The following DNAH11 variants were observed in gnomAD, a reference collection of about 807,000 sequenced individuals.
The protein encoded by DNAH11 is axonemal beta dynein heavy chain 11.
DNAH11 carries 442 observed loss-of-function variants against 526.0 expected under a neutral mutation model. The ratio of observed to expected loss-of-function variants is 0.84; its 90% CI spans 0.78 to 0.91. The LOEUF is 0.91. Ranked by LOEUF, DNAH11 falls within the 40% of genes least tolerant of loss-of-function variation. DNAH11 has a pLI of 0.00. For synonymous variants in DNAH11, 2,461 were observed against 1,935.9 expected, an observed-to-expected ratio of 1.27 and a Z score of -7.12; for missense variants, 6,989 against 5,448.7, an observed-to-expected ratio of 1.28 and a Z score of -8.90.
chr7:21,564,101 G>A (rs1476786637), intron 5 of DNAH11, 85 bp from the exon 6 acceptor site: 4 of 951,416 alleles, frequency 4.2e-6, no homozygotes, highest in Admixed American at 2.7e-5. Flanking sequence ...GTTGTTTTAC[G>A]TGGCTCTCTT....
At chr7:21,621,650 A>T (rs987235748) in intron 25 of DNAH11, among the ~76,000 whole-genome samples, 1 of 151,906 alleles carries the variant, frequency 6.6e-6, no homozygotes, top group Non-Finnish European at 1.5e-5. Flanking sequence ...CATCCCTGGG[A>T]TGCAAGGCTG....
At chr7:21,823,345 G>A (rs7781044) in intron 65 of DNAH11, among the ~76,000 whole-genome samples, 54,122 of 151,698 alleles carry the variant, frequency 0.36, 10,387 homozygotes, top group East Asian at 0.63. Flanking sequence ...TTTCATACCT[G>A]CAGTTTCCTA....
At chr7:21,554,095 T>G (rs1783127393) in intron 2 of DNAH11, among the ~76,000 whole-genome samples, 1 of 152,042 alleles carries the variant, frequency 6.6e-6, no homozygotes, top group African/African-American at 2.4e-5. Flanking sequence ...AGACCTTTTG[T>G]GTCCCAGTAG....
intron 61 of DNAH11, among the ~76,000 whole-genome samples, chr7:21,789,914 C>CCCTT (rs988249492): frequency 7.7e-6 from 1 of 129,170 alleles, no homozygotes; most frequent in Admixed American, 8.2e-5. Flanking sequence ...CTCCCTCCCT[C>CCCTT]CCTTCCTTCC....
At position 21,543,478 on chromosome 7, in the gene DNAH11, G is replaced by A. The variant is rs759339238; in HGVS notation, c.233G>A (p.Ser78Asn). Reference sequence around the variant, plus strand: ...CTGGGGTTCACGGAGGAGAAATGGAGCCAGTATTTGGAAAGCGAGGACAAC... The same window carrying A: ...CTGGGGTTCACGGAGGAGAAATGGAACCAGTATTTGGAAAGCGAGGACAAC... ...MMLGFTEEKW[S>N]QYLESEDNRQ... Residue 78 changes from serine to asparagine, a missense_variant, in exon 1 of 82, where the codon AGC becomes AAC. By Grantham distance (46) the Ser-to-Asn change is conservative. Transcript: ENST00000409508. 6.3e-7 allele frequency: 1 copy of A among 1,596,472 alleles called. No homozygotes were observed. The highest frequency in any genetic ancestry group is 8.5e-7 in the Non-Finnish European group (1 of 1,171,162).
At chr7:21,863,079 AGAAAAAG>A (rs1173651505) in intron 69 of DNAH11, among the ~76,000 whole-genome samples, 10 of 29,120 alleles carry the variant, frequency 3.4e-4, no homozygotes, top group Non-Finnish European at 5.4e-4. Flanking sequence ...AAAAAAAAAA[AGAAAAAG>A]AAAAGAAAAA....
chr7:21,592,064 A>AC (rs1291542638), intron 14 of DNAH11, among the ~76,000 whole-genome samples: 88 of 152,152 alleles, frequency 5.8e-4, no homozygotes, highest in Non-Finnish European at 6.9e-4. Context: ...AACAGAAAAA[A>AC]AACACACACA....
chr7:21,897,806 G>A (rs1396543868), intron 79 of DNAH11, among the ~76,000 whole-genome samples: 1 of 151,970 alleles, frequency 6.6e-6, no homozygotes, highest in South Asian at 2.1e-4. Context: ...TAGTAGGGAT[G>A]GGGTTTCACC....
In DNAH11 at chr7:21,704,448, A is replaced by C. The variant is rs905167931; in HGVS notation, c.6288A>C (p.Ala2096=). 2 of 1,613,310 alleles carry C rather than the reference A, an allele frequency of 1.2e-6. No individual in the cohort carries two copies. The highest frequency in any genetic ancestry group is 1.7e-6 in the Non-Finnish European group (2 of 1,179,592). ...NRPEDQVLMR[A]LRDFNMPKIV... ...TTTTTTTCTAGGTACTCATGAGAGC[A>C]TTAAGGGATTTCAATATGCCCAAAA... Residue 2096 remains alanine (A), a synonymous_variant, in exon 38 of 82, where the codon GCA becomes GCC. Coordinates refer to ENST00000409508, the MANE Select transcript of DNAH11 (RefSeq NM_001277115.2).
intron 66 of DNAH11, among the ~76,000 whole-genome samples, chr7:21,851,964 C>T (rs545151720): frequency 6.6e-6 from 1 of 152,246 alleles, no homozygotes; most frequent in East Asian, 1.9e-4. Flanking sequence ...TTATACTCTG[C>T]ACCCTGGAGT....
chr7:21,583,944 A>G lies in DNAH11; in HGVS notation c.1710+1923A>G, dbSNP rs371397768. On this transcript the variant is annotated intron_variant, in intron 9 of 81. Transcript: ENST00000409508. The stretch of plus-strand genomic sequence containing the variant: ...CAGGAAACAACAGATGCTAGAGGGA[A>G]TGTGGAGAAATAGGAATGCTTTTAC... Among the ~76,000 whole-genome samples the G allele has an allele frequency of 2.0e-5, 3 of 152,250 alleles. No homozygotes were observed. The East Asian group carries it at 5.8e-4, about 29-fold the overall frequency.
chr7:21,838,661 G>C lies in DNAH11; in HGVS notation c.10692-3883G>C, dbSNP rs146985110. ...CCATTCTATGGCCAAATATTAGGTC[G>C]GTGCAAAAGTAATTGTGGGTTTTTC... On this transcript the variant is annotated intron_variant, in intron 65 of 81. Transcript: ENST00000409508. Among the ~76,000 whole-genome samples, 52 of 152,032 alleles carry C rather than the reference G, an allele frequency of 3.4e-4. 2 individuals carry two copies. The South Asian group carries it at 5.2e-3, about 15-fold the overall frequency.
intron 75 of DNAH11, among the ~76,000 whole-genome samples, chr7:21,883,888 A>T (rs1161317122): frequency 6.6e-6 from 1 of 152,116 alleles, no homozygotes; most frequent in Admixed American, 6.6e-5. Flanking sequence ...CAAAATTTTT[A>T]AAAAATTAGC....
chr7:21,790,270 C>T (rs1788421580), intron 61 of DNAH11, among the ~76,000 whole-genome samples: 4 of 152,100 alleles, frequency 2.6e-5, no homozygotes, highest in South Asian at 4.2e-4. Context: ...CACGGTGAAA[C>T]CCCGTCACTA....
chr7:21,845,298 T>C (rs896001720), intron 66 of DNAH11, among the ~76,000 whole-genome samples: 7 of 152,164 alleles, frequency 4.6e-5, no homozygotes, highest in African/African-American at 1.7e-4. Context: ...TAACTGACAG[T>C]TCGTGAAGAT....
chr7:21,733,899 G>C (rs1431603007), intron 45 of DNAH11, among the ~76,000 whole-genome samples: 1 of 152,130 alleles, frequency 6.6e-6, no homozygotes, highest in Non-Finnish European at 1.5e-5. Context: ...CAGCTATATG[G>C]GTAGTAAGTA....
chr7:21,836,176 C>T (rs1462875591), intron 65 of DNAH11, among the ~76,000 whole-genome samples: 4 of 152,060 alleles, frequency 2.6e-5, no homozygotes, highest in East Asian at 3.9e-4. Context: ...CCATACTACC[C>T]AAAGTGATCT....
chr7:21,609,332 C>T (rs1418512192), intron 20 of DNAH11, among the ~76,000 whole-genome samples: 2 of 152,166 alleles, frequency 1.3e-5, no homozygotes, highest in Non-Finnish European at 2.9e-5. Flanking sequence ...TCTCCTGCCT[C>T]AACGTCCTGA....
intron 54 of DNAH11, among the ~76,000 whole-genome samples, chr7:21,758,990 C>T (rs1398729919): frequency 6.6e-6 from 1 of 152,094 alleles, no homozygotes; most frequent in Non-Finnish European, 1.5e-5. Context: ...ACGGGGCTAT[C>T]CAGAAGAAAG....
Sources: allele counts gnomAD v4.1 joint callset (sites outside exome capture counted in the v4.1 genomes callset), GRCh38; gene constraint gnomAD v4.1.1; transcripts MANE v1.5; gene names NCBI Gene and HGNC (gene_info 2026-07-23, HGNC 2026-07-21).